Variants in LTBP3 observed in about 807,000 individuals in gnomAD.
The protein encoded by LTBP3 is latent-transforming growth factor beta-binding protein 3.
In LTBP3, 97 loss-of-function variants were observed where a neutral mutation model predicts 159.7. The ratio of observed to expected loss-of-function variants is 0.61; its 90% confidence interval spans 0.52 to 0.72. LTBP3 has a LOEUF of 0.72. Among genes scored for constraint, LTBP3 ranks in the 30% least tolerant of loss-of-function variants. The pLI, the probability that LTBP3 is intolerant of heterozygous loss-of-function variation, is 0.00. For synonymous variants in LTBP3, 824 were observed against 777.1 expected (o/e 1.06, Z -1.00); for missense variants, 1,584 against 1,864.3 (o/e 0.85, Z 2.77).
intron 16 of LTBP3, chr11:65,543,787 T>G: frequency 3.6e-6 from 2 of 555,956 alleles, no homozygotes; most frequent in Non-Finnish European, 6.5e-6. Flanking sequence ...CCGCCCTCTC[T>G]CCCTGCCCCA....
In LTBP3 at chr11:65,547,021, G is replaced by A. The variant is rs981436698; in HGVS notation, c.2108-101C>T. 82 of 1,542,952 alleles carry A rather than the reference G, an allele frequency of 5.3e-5. No individual in the cohort carries two copies. Among genetic ancestry groups the A allele is most frequent in the Non-Finnish European group, 6.5e-5 (74 of 1,134,970 alleles). On this transcript the variant is annotated intron_variant, in intron 14 of 27. Transcript: ENST00000301873. This position sits in a 1 kb window ranked among gnomAD's most constrained non-coding sequence, Gnocchi z 4.6. Reference sequence around the variant, plus strand: ...GACTTCCTCCCACACAGATCAACGAGGCTCCCGGACCCCAACCTCTGAGAG... The same window carrying A: ...GACTTCCTCCCACACAGATCAACGAAGCTCCCGGACCCCAACCTCTGAGAG...
At position 65,557,836 on chromosome 11, in the gene LTBP3, C is replaced by G. The variant is rs765528252; in HGVS notation, c.124G>C (p.Glu42Gln). The stretch of plus-strand genomic sequence containing the variant: ...CCCCGCTCGCCGGCCGGCCCCCCCT[C>G]GACCCTGCCGCCCAGGCCCAGCAGC... The part of the protein sequence containing the change: ...LLLLGLGGRV[E>Q]GGPAGERGAG... The change falls in exon 1 of 28, where the codon GAG becomes CAG. Residue 42 changes from glutamate (E) to glutamine (Q), a missense_variant. Transcript: ENST00000301873. 7.8e-6 allele frequency: 11 copies of G among 1,408,236 alleles called. No homozygotes were observed. The South Asian group carries it at 1.3e-4, about 17-fold the overall frequency. The allele number at this position is 1,408,236 out of a possible 1,614,324, so 87.2% of individuals were successfully genotyped here. A position where few individuals can be genotyped will look rare whatever the true frequency, so the allele number is the denominator to read the frequency against.
In LTBP3 at chr11:65,539,977, G is replaced by A. The variant is rs972621001; in HGVS notation, c.3385+36C>T. ...GCGCGGGGGCCACGTGACGGACAGGGCCCCGGGATCGGCCAAGGCCAACCC... is the reference window on the plus strand; with the variant it reads ...GCGCGGGGGCCACGTGACGGACAGGACCCCGGGATCGGCCAAGGCCAACCC... On this transcript the variant is annotated intron_variant, in intron 24 of 27. Transcript: ENST00000301873. The A allele has an allele frequency of 4.0e-5, 58 of 1,460,804 alleles. No individual in the cohort carries two copies. In the East Asian group the frequency reaches 1.4e-3, roughly 36 times the overall value. 90.5% of individuals were successfully genotyped at this position (1,460,804 alleles called of 1,614,324 possible).
At position 65,553,588 on chromosome 11, in the gene LTBP3, A is replaced by G; in HGVS notation, c.865-58T>C. 1 of 1,498,984 alleles carries G rather than the reference A, an allele frequency of 6.7e-7. No individual in the cohort carries two copies. The highest frequency in any genetic ancestry group is 9.2e-7 in the Non-Finnish European group (1 of 1,089,910). 92.9% of individuals were successfully genotyped at this position (1,498,984 alleles called of 1,614,324 possible). On this transcript the variant is annotated intron_variant, in intron 3 of 27. Transcript: ENST00000301873. This position sits in a 1 kb window ranked among gnomAD's most constrained non-coding sequence, Gnocchi z 6.5. ...GCACCCCGCCCCGGTGCCGCCTGTT[A>G]GGGTTGGGCCTTTTCCTCTTCCCCC...
At chr11:65,557,599 C>A (rs1422476582) in intron 1 of LTBP3, 30 bp downstream of exon 1, 19 of 1,605,286 alleles carry the variant, frequency 1.2e-5, no homozygotes, top group Non-Finnish European at 1.6e-5. Context: ...CTGTCCTTCC[C>A]CTGCCCCCAG....
chr11:65,538,700 T>A lies in LTBP3; in HGVS notation c.*380A>T. The A allele has an allele frequency of 8.3e-7, 1 of 1,203,610 alleles. No individual in the cohort carries two copies. Among genetic ancestry groups the A allele is most frequent in the Non-Finnish European group, 1.1e-6 (1 of 882,800 alleles). The allele number at this position is 1,203,610 out of a possible 1,614,324, so 74.6% of individuals were successfully genotyped here. On this transcript the variant is annotated 3_prime_UTR_variant, in exon 28 of 28. Transcript: ENST00000301873. ...AATCAGAGCCACAATAAATTCTATT[T>A]CACACCCCTTGTGCCGGGCTCAGTC...
chr11:65,549,956 A>G (rs1218204095), intron 11 of LTBP3, among the ~76,000 whole-genome samples: 1 of 151,954 alleles, frequency 6.6e-6, no homozygotes, highest in Non-Finnish European at 1.5e-5. Flanking sequence ...AAAGAAAGGA[A>G]CCCAAATATT....
Position 65,554,265 on chromosome 11 carries a change from C to T in LTBP3, c.447G>A (p.Gly149=). ...GGCCGGGGCCTGAGCCGCCGGTACC[C>T]CCACCGGCTCCTCCTGCGGGCACCT... ...FCQVPAGGAG[G]GTGGSGPGLS... The change falls in exon 2 of 28, where the codon GGG becomes GGA. Residue 149 remains glycine (G), a synonymous_variant. Coordinates refer to ENST00000301873, the MANE Select transcript of LTBP3 (RefSeq NM_001130144.3). This position sits in a 1 kb window ranked among gnomAD's most constrained non-coding sequence, Gnocchi z 5.3. The T allele has an allele frequency of 1.2e-6, 2 of 1,610,390 alleles. No individual in the cohort carries two copies. Among genetic ancestry groups the T allele is most frequent in the Non-Finnish European group, 1.7e-6 (2 of 1,179,110 alleles).
Position 65,553,975 on chromosome 11 carries a change from G to A in LTBP3, c.662-72C>T. The A allele has an allele frequency of 1.3e-6, 2 of 1,569,718 alleles. No homozygotes were observed. The highest frequency in any genetic ancestry group is 1.7e-6 in the Non-Finnish European group (2 of 1,159,320). ...GGTCACCGCGCTGAGCTCCTCCAGG[G>A]CTGAACCTGCCCTGCCCTGGCCACC... On this transcript the variant is annotated intron_variant, in intron 2 of 27. Transcript: ENST00000301873. This position sits in a 1 kb window ranked among gnomAD's most constrained non-coding sequence, Gnocchi z 6.5.
At chr11:65,542,939 T>TGGATAGAA (rs1213973203) in intron 18 of LTBP3, 166 bp downstream of exon 18, 11 of 750,272 alleles carry the variant, frequency 1.5e-5, no homozygotes, top group African/African-American at 7.8e-5. Flanking sequence ...GAAGGATGGA[T>TGGATAGAA]GGATGGATGG....
At position 65,540,211 on chromosome 11, in the gene LTBP3, T is replaced by G. The variant is rs991577898; in HGVS notation, c.3244+34A>C. 3 of 1,545,412 alleles carry G rather than the reference T, an allele frequency of 1.9e-6. No homozygotes were observed. In the African/African-American group the frequency reaches 4.1e-5, roughly 21 times the overall value. ...CACAGCTCGGCCCGGGCCCCGCCCC[T>G]CCCGCGTACCCCACTCCCCGGCCCG... is the stretch of plus-strand genomic sequence containing the variant. On this transcript the variant is annotated intron_variant, in intron 23 of 27. Transcript: ENST00000301873.
At chr11:65,541,574 G>T (rs375941387) in intron 19 of LTBP3, 26 bp downstream of exon 19, 1 of 1,613,874 alleles carries the variant, frequency 6.2e-7, no homozygotes, top group Non-Finnish European at 8.5e-7. Context: ...TGTCCAGTCC[G>T]AGGGAGGAGC....
rs1856734892 is a variant in LTBP3 at position 65,554,455 on chromosome 11, A to C, written c.332-75T>G. ...CCTCCTCCCTACTTCCTTGCCACCC[A>C]CTGGCTCTGTCCTCTTGGGAAGCCA... On this transcript the variant is annotated intron_variant, in intron 1 of 27. Transcript: ENST00000301873. The surrounding 1 kb of genome is among the most constrained non-coding windows in gnomAD (Gnocchi z 5.3). 1.6e-6 allele frequency: 2 copies of C among 1,260,652 alleles called. No homozygotes were observed. Among genetic ancestry groups the C allele is most frequent in the South Asian group, 1.3e-5 (1 of 74,948 alleles). The allele number at this position is 1,260,652 out of a possible 1,614,324, so 78.1% of individuals were successfully genotyped here.
At chr11:65,541,971 G>A in intron 18 of LTBP3, 1 of 495,532 alleles carries the variant, frequency 2.0e-6, no homozygotes, top group Middle Eastern at 5.9e-4. Flanking sequence ...AAGCCCAAAT[G>A]GAAAGGCCTC....
intron 21 of LTBP3, 49 bp from the exon 22 acceptor site, chr11:65,540,663 G>T: frequency 6.5e-7 from 1 of 1,547,462 alleles, no homozygotes. Flanking sequence ...CTGCAGCCCG[G>T]AGGCGTGGGC....
chr11:65,552,737 T>G lies in LTBP3; in HGVS notation c.1186+123A>C, dbSNP rs770883202. ...CGGACCCTGCTGATCCCTGATCCTA[T>G]TGGCTCTGGGCCTTGTTCCTCCTGC... On this transcript the variant is annotated intron_variant, in intron 6 of 27. Coordinates refer to ENST00000301873, the MANE Select transcript of LTBP3 (RefSeq NM_001130144.3). This position sits in a 1 kb window ranked among gnomAD's most constrained non-coding sequence, Gnocchi z 6.0. 295 of 1,419,180 alleles carry G rather than the reference T, an allele frequency of 2.1e-4. No homozygotes were observed. The highest frequency in any genetic ancestry group is 7.3e-4 in the Admixed American group (42 of 57,600). 87.9% of individuals were successfully genotyped at this position (1,419,180 alleles called of 1,614,324 possible). A position where few individuals can be genotyped will look rare whatever the true frequency, so the allele number is the denominator to read the frequency against.
At chr11:65,544,322 A>T (rs1347182558) in intron 16 of LTBP3, 2 of 153,152 alleles carry the variant, frequency 1.3e-5, no homozygotes, top group African/African-American at 4.8e-5. Flanking sequence ...CCTCCCTCTC[A>T]GTCCTCCGAG....
Position 65,553,474 on chromosome 11 carries a change from GAT to G in LTBP3, c.919_920del (p.Ile307ArgfsTer33). ...ACTTGCTCTGGCCCCAGGCAGTGCC[GAT>G]GCTACCGCAGCAGTCTTCCTGCTTG... ...LTKQEDCCGS[I>X]GTAWGQSKCH... On this transcript the variant is annotated frameshift_variant, in exon 4 of 28. Coordinates refer to ENST00000301873, the MANE Select transcript of LTBP3 (RefSeq NM_001130144.3). LOFTEE classifies it high-confidence loss of function. This position sits in a 1 kb window ranked among gnomAD's most constrained non-coding sequence, Gnocchi z 6.5. 1 of 1,612,540 alleles carries G rather than the reference GAT, an allele frequency of 6.2e-7. No homozygotes were observed. The highest frequency in any genetic ancestry group is 8.5e-7 in the Non-Finnish European group (1 of 1,179,900).
At chr11:65,541,506 A>G in intron 19 of LTBP3, 94 bp downstream of exon 19, 5 of 1,595,862 alleles carry the variant, frequency 3.1e-6, no homozygotes, top group Non-Finnish European at 4.3e-6. Flanking sequence ...CGGTTCCCCA[A>G]ATTTAGGAGG....
Sources: allele counts gnomAD v4.1 joint callset (sites outside exome capture counted in the v4.1 genomes callset), GRCh38; gene constraint gnomAD v4.1.1; non-coding constraint Gnocchi (gnomAD v3.1); transcripts MANE v1.5; gene names NCBI Gene and HGNC (gene_info 2026-07-23, HGNC 2026-07-21).